SYNPO: variants seen among roughly 807,000 people sequenced by gnomAD.
SYNPO encodes synaptopodin.
Under a neutral mutation model 49.5 loss-of-function variants are expected in SYNPO, and 19 were observed. The observed-to-expected ratio is 0.38, with a 90% CI of 0.27 to 0.56. The LOEUF (loss-of-function observed/expected upper bound fraction) is 0.56. Among genes scored for constraint, SYNPO ranks in the 20% least tolerant of loss-of-function variants. The pLI, the probability that SYNPO is intolerant of heterozygous loss-of-function variation, is 0.68. For synonymous variants in SYNPO, 536 were observed against 548.0 expected (o/e 0.98, Z 0.31); for missense variants, 1,131 against 1,248.3 (o/e 0.91, Z 1.42).
intron 2 of SYNPO, among the ~76,000 whole-genome samples, chr5:150,633,620 A>C (rs940961535): frequency 5.3e-5 from 8 of 152,206 alleles, no homozygotes; most frequent in Non-Finnish European, 1.0e-4. Context: ...GCACCTCATG[A>C]GGCTGTGCCA....
the SYNPO span, among the ~76,000 whole-genome samples, chr5:150,587,050 A>T: frequency 6.6e-6 from 1 of 152,092 alleles, no homozygotes; most frequent in Non-Finnish European, 1.5e-5. Flanking sequence ...ATATATGTAT[A>T]TGTGGATTCA....
rs1162420425 is a variant in SYNPO at position 150,650,155 on chromosome 5, C to T, written c.1880C>T (p.Pro627Leu). The change falls in exon 2 of 3, where the codon CCC becomes CTC. Residue 627 changes from proline to leucine, a missense_variant. By Grantham distance (98) the Pro-to-Leu change is moderately conservative. Coordinates refer to ENST00000307662, the MANE Select transcript of SYNPO (RefSeq NM_007286.6). ...TCCTCACCGGGCCTCTACACCTCCC[C>T]CGGCCAGGACAGCCTGCAGCCCACT... ...SRSSPGLYTS[P>L]GQDSLQPTAV... The T allele has an allele frequency of 6.2e-7, 1 of 1,613,752 alleles. No individual in the cohort carries two copies. The highest frequency in any genetic ancestry group is 8.5e-7 in the Non-Finnish European group (1 of 1,179,994).
At chr5:150,609,792 G>GGGC (rs1197480513) in intron 1 of SYNPO, among the ~76,000 whole-genome samples, 5 of 151,760 alleles carry the variant, frequency 3.3e-5, no homozygotes, top group Non-Finnish European at 5.9e-5. Context: ...GTGGCGGGGG[G>GGGC]GGGCAGTGTG....
At chr5:150,594,418 C>T in the SYNPO span, among the ~76,000 whole-genome samples, 1 of 152,194 alleles carries the variant, frequency 6.6e-6, no homozygotes, top group African/African-American at 2.4e-5. Flanking sequence ...AATCCTCAAG[C>T]TGGGCAGGAT....
intron 1 of SYNPO, among the ~76,000 whole-genome samples, chr5:150,604,206 C>T (rs1756629404): frequency 6.6e-6 from 1 of 152,236 alleles, no homozygotes; most frequent in Non-Finnish European, 1.5e-5. Context: ...CTGGCATGGG[C>T]ACGGTTATAG....
In SYNPO at chr5:150,629,884, C is replaced by T. The variant is rs534200524; in HGVS notation, c.400+11117C>T. 5.6e-4 allele frequency among the ~76,000 whole-genome samples: 85 copies of T among 152,234 alleles called. 1 individual carries two copies. The highest frequency in any genetic ancestry group is 3.4e-3 in the Middle Eastern group (1 of 294). On this transcript the variant is annotated intron_variant, in intron 2 of 2. Coordinates refer to the SYNPO transcript ENST00000394243. ...CACCTGGTAAGTGGCTAGATTCAAA[C>T]ACAGGCAGTCTGGCCCCAAAAACTG...
intron 2 of SYNPO, among the ~76,000 whole-genome samples, chr5:150,628,166 A>T (rs1183241106): frequency 1.3e-5 from 2 of 152,110 alleles, no homozygotes; most frequent in African/African-American, 2.4e-5. Context: ...TAGGCCCTGT[A>T]ATTCCAAAGG....
intron 1 of SYNPO, among the ~76,000 whole-genome samples, chr5:150,643,786 G>GC (rs1326383507): frequency 1.3e-5 from 2 of 152,090 alleles, no homozygotes; most frequent in South Asian, 2.1e-4. Flanking sequence ...ACCTGCCTTG[G>GC]CCCCCCAAAA....
At chr5:150,627,172 A>G (rs1757384062) in intron 2 of SYNPO, among the ~76,000 whole-genome samples, 2 of 152,070 alleles carry the variant, frequency 1.3e-5, no homozygotes, top group Admixed American at 1.3e-4. Context: ...CCAGGAAGGG[A>G]GGGACTGAGG....
In SYNPO at chr5:150,602,129, C is replaced by T. The variant is rs115044572; in HGVS notation, c.-266+941C>T. ...AGCCTTGGTGCGAGGCTGGAGTCCA[C>T]ACTTTCAGGTTCTGTGGCAAATGGG... is the stretch of plus-strand genomic sequence containing the variant. On this transcript the variant is annotated intron_variant, in intron 1 of 2. Coordinates refer to the SYNPO transcript ENST00000394243. 2.8e-3 allele frequency among the ~76,000 whole-genome samples: 419 copies of T among 152,282 alleles called. 2 individuals are homozygous for T. The highest frequency in any genetic ancestry group is 9.5e-3 in the African/African-American group (393 of 41,558).
chr5:150,595,044 A>AG, the SYNPO span, among the ~76,000 whole-genome samples: 1 of 152,128 alleles, frequency 6.6e-6, no homozygotes, highest in Non-Finnish European at 1.5e-5. Flanking sequence ...AAATATTTTG[A>AG]GGAAAAAAAT....
chr5:150,603,376 G>A (rs1457114011), intron 1 of SYNPO, among the ~76,000 whole-genome samples: 4 of 152,214 alleles, frequency 2.6e-5, no homozygotes, highest in Non-Finnish European at 5.9e-5. Flanking sequence ...TTCTGGGGGG[G>A]CCCCTTGGCA....
chr5:150,630,317 T>G (rs369472995), intron 2 of SYNPO, among the ~76,000 whole-genome samples: 1 of 151,994 alleles, frequency 6.6e-6, no homozygotes, highest in African/African-American at 2.4e-5. Context: ...GTCAGAGTGT[T>G]TAGGGAGCAG....
chr5:150,648,578 G>A lies in SYNPO; in HGVS notation c.303G>A (p.Pro101=), dbSNP rs748815651. The A allele has an allele frequency of 9.3e-6, 15 of 1,614,128 alleles. No homozygotes were observed. The highest frequency in any genetic ancestry group is 3.3e-5 in the Admixed American group (2 of 60,014). Residue 101 remains proline, a synonymous_variant, in exon 2 of 3, where the codon CCG becomes CCA. Transcript: ENST00000307662. This position sits in a 1 kb window ranked among gnomAD's most constrained non-coding sequence, Gnocchi z 5.0. ...PPATDVNQNP[P]ATVVPQSLPL... ...CCACCGATGTCAATCAGAACCCACC[G>A]GCAACTGTTGTCCCACAGAGCCTGC...
chr5:150,622,783 C>A (rs554682848), intron 2 of SYNPO, among the ~76,000 whole-genome samples: 1 of 152,340 alleles, frequency 6.6e-6, no homozygotes, highest in East Asian at 1.9e-4. Flanking sequence ...TACTCCCCCT[C>A]CACTCCCCTG....
At chr5:150,654,955 G>A (rs535401064) in intron 2 of SYNPO, among the ~76,000 whole-genome samples, 11 of 152,074 alleles carry the variant, frequency 7.2e-5, no homozygotes, top group Admixed American at 3.3e-4. Context: ...GAGAAACCCC[G>A]TCTCTACTAA....
chr5:150,622,300 A>G (rs917113601), intron 2 of SYNPO, among the ~76,000 whole-genome samples: 8 of 152,210 alleles, frequency 5.3e-5, no homozygotes, highest in Admixed American at 2.6e-4. Flanking sequence ...GTCTGGGCCC[A>G]TGCTTTTAAC....
chr5:150,587,124 A>G, the SYNPO span, among the ~76,000 whole-genome samples: 27 of 152,152 alleles, frequency 1.8e-4, no homozygotes, highest in African/African-American at 6.0e-4. Flanking sequence ...GGATGCATGG[A>G]TGAGTATTTG....
chr5:150,601,660 G>T (rs976119825), intron 1 of SYNPO, among the ~76,000 whole-genome samples: 10 of 152,188 alleles, frequency 6.6e-5, no homozygotes, highest in African/African-American at 2.4e-4. Context: ...GCCTCCTGTG[G>T]CCTAAGTCCT....
Sources: allele counts gnomAD v4.1 joint callset (sites outside exome capture counted in the v4.1 genomes callset), GRCh38; gene constraint gnomAD v4.1.1; non-coding constraint Gnocchi (gnomAD v3.1); transcripts MANE v1.5; gene names NCBI Gene and HGNC (gene_info 2026-07-23, HGNC 2026-07-21).